The following MTUS2 variants were observed in gnomAD, a reference collection of about 807,000 sequenced individuals.
MTUS2 encodes the protein microtubule-associated tumor suppressor candidate 2.
MTUS2 carries 40 observed loss-of-function variants against 114.1 expected under a neutral mutation model. That is an observed-to-expected ratio of 0.35 (90% CI 0.27 to 0.46). The LOEUF is 0.46. Ranked by LOEUF, MTUS2 falls within the 20% of genes least tolerant of loss-of-function variation. The probability of loss-of-function intolerance (pLI) is 1.00; values close to 1 mark genes in which losing one functional copy is unlikely to be tolerated. For synonymous variants in MTUS2, 688 were observed against 672.0 expected, an observed-to-expected ratio of 1.02 and a Z score of -0.37; for missense variants, 1,679 against 1,705.4, an observed-to-expected ratio of 0.98 and a Z score of 0.27.
chr13:29,463,511 A>C (rs1879661894), intron 9 of MTUS2, among the ~76,000 whole-genome samples: 1 of 152,168 alleles, frequency 6.6e-6, no homozygotes, highest in African/African-American at 2.4e-5. Context: ...CAGTTTTCCC[A>C]GTGAAGTAGG....
Position 29,071,409 on chromosome 13 carries a change from A to ATT in MTUS2, c.2447-29331_2447-29330dup, listed in dbSNP as rs751020009. ...TTTAAAAGATCTCTATGTTGCTTGA[A>ATT]TTTTTTTTTTTTTTTTTTTTTTTTT... On this transcript the variant is annotated intron_variant, in intron 4 of 15. Transcript: ENST00000612955. Among the ~76,000 whole-genome samples, 107 of 46,142 alleles carry ATT rather than the reference A, an allele frequency of 2.3e-3. 24 individuals are homozygous for ATT. Among genetic ancestry groups the ATT allele is most frequent in the African/African-American group, 0.01 (92 of 9,168 alleles). 30.3% of individuals were successfully genotyped at this position (46,142 alleles called of 152,430 possible).
At position 29,206,132 on chromosome 13, in the gene MTUS2, G is replaced by A. The variant is rs188461257; in HGVS notation, c.2645-75572G>A. ...CTGGAGTAAGGTGGTATTGCATTAT[G>A]GTTTTTATTTGCATCTTCCTGATGA... On this transcript the variant is annotated intron_variant, in intron 5 of 15. Transcript: ENST00000612955. 3.4e-3 allele frequency among the ~76,000 whole-genome samples: 516 copies of A among 152,170 alleles called. 4 individuals are homozygous for A. The highest frequency in any genetic ancestry group is 0.012 in the African/African-American group (490 of 41,526).
At chr13:28,935,293 G>A (rs1280904256) in intron 2 of MTUS2, among the ~76,000 whole-genome samples, 7 of 152,032 alleles carry the variant, frequency 4.6e-5, no homozygotes, top group Admixed American at 4.6e-4. Flanking sequence ...TTCTAAACAG[G>A]AGTAAAATTG....
intron 2 of MTUS2, among the ~76,000 whole-genome samples, chr13:28,907,019 A>C (rs983813278): frequency 1.3e-5 from 2 of 151,638 alleles, no homozygotes; most frequent in Admixed American, 6.6e-5. Context: ...CGGGTTACCC[A>C]CAAAGGGAAG....
chr13:28,884,024 G>A (rs1878445059), intron 2 of MTUS2, among the ~76,000 whole-genome samples: 1 of 152,128 alleles, frequency 6.6e-6, no homozygotes, highest in Non-Finnish European at 1.5e-5. Context: ...TGATTTAGCA[G>A]TTTCACTTCT....
At chr13:29,096,631 T>C (rs9506103) in intron 4 of MTUS2, among the ~76,000 whole-genome samples, 102,203 of 152,074 alleles carry the variant, frequency 0.67, 35,056 homozygotes, top group Non-Finnish European at 0.74. Context: ...CAAACTTCCC[T>C]CACAGTTTGT....
intron 2 of MTUS2, among the ~76,000 whole-genome samples, chr13:28,970,275 A>G (rs1272115600): frequency 6.6e-6 from 1 of 152,208 alleles, no homozygotes; most frequent in Admixed American, 6.5e-5. Context: ...ATATGTACAA[A>G]TGTAGAATAA....
intron 2 of MTUS2, among the ~76,000 whole-genome samples, chr13:28,873,075 A>G (rs1169089564): frequency 6.6e-6 from 1 of 152,228 alleles, no homozygotes; most frequent in Admixed American, 6.5e-5. Flanking sequence ...CTAAAATTCT[A>G]TAGCCAATGA....
intron 4 of MTUS2, among the ~76,000 whole-genome samples, chr13:29,037,020 A>G (rs1028977118): frequency 1.3e-5 from 2 of 152,108 alleles, no homozygotes; most frequent in Non-Finnish European, 2.9e-5. Flanking sequence ...TATAAGGTTA[A>G]TATTGTTATG....
intron 5 of MTUS2, among the ~76,000 whole-genome samples, chr13:29,162,695 A>G (rs1404573140): frequency 2.6e-5 from 4 of 152,210 alleles, no homozygotes; most frequent in African/African-American, 9.7e-5. Context: ...GTTTGATCGT[A>G]TTTCTAGAGA....
intron 2 of MTUS2, among the ~76,000 whole-genome samples, chr13:28,900,415 T>G (rs928964904): frequency 1.3e-5 from 2 of 152,186 alleles, no homozygotes; most frequent in African/African-American, 4.8e-5. Flanking sequence ...TGTTGCCCTT[T>G]TATAACCACA....
chr13:29,219,680 A>G (rs1004945968), intron 5 of MTUS2, among the ~76,000 whole-genome samples: 2 of 152,250 alleles, frequency 1.3e-5, no homozygotes, highest in African/African-American at 2.4e-5. Flanking sequence ...TGTTTAGTGT[A>G]GCCATCTTCA....
intron 9 of MTUS2, among the ~76,000 whole-genome samples, chr13:29,451,021 T>G (rs1445444616): frequency 6.6e-6 from 1 of 151,920 alleles, no homozygotes; most frequent in Non-Finnish European, 1.5e-5. Flanking sequence ...CCACTCTGAG[T>G]AACAATAGAA....
intron 4 of MTUS2, among the ~76,000 whole-genome samples, chr13:29,039,730 A>C (rs1299172727): frequency 6.6e-6 from 1 of 152,254 alleles, no homozygotes; most frequent in Non-Finnish European, 1.5e-5. Context: ...TCTTTCAAGG[A>C]AAAACAAATC....
At chr13:29,092,149 A>G (rs138750709) in intron 4 of MTUS2, among the ~76,000 whole-genome samples, 3 of 152,348 alleles carry the variant, frequency 2.0e-5, no homozygotes, top group Non-Finnish European at 2.9e-5. Context: ...GCCAAAGCCA[A>G]TTTAAAGCCT....
intron 8 of MTUS2, among the ~76,000 whole-genome samples, chr13:29,362,920 C>T (rs1870389752): frequency 1.3e-5 from 2 of 152,198 alleles, no homozygotes; most frequent in South Asian, 4.1e-4. Context: ...AACACAGCCT[C>T]AGCCCAGCGT....
intron 5 of MTUS2, among the ~76,000 whole-genome samples, chr13:29,101,380 C>T (rs1890413580): frequency 6.6e-6 from 1 of 152,012 alleles, no homozygotes; most frequent in Admixed American, 6.6e-5. Context: ...TGCCTTCACA[C>T]TGCCAGAGCA....
chr13:28,824,764 C>T (rs909336230), intron 1 of MTUS2, among the ~76,000 whole-genome samples: 1 of 151,138 alleles, frequency 6.6e-6, no homozygotes, highest in Non-Finnish European at 1.5e-5. Flanking sequence ...GCAAATAAAA[C>T]AGACAAAAAC....
chr13:28,957,348 A>G (rs757458745), intron 2 of MTUS2, among the ~76,000 whole-genome samples: 23 of 152,330 alleles, frequency 1.5e-4, no homozygotes, highest in Non-Finnish European at 1.3e-4. Context: ...AAAGTTTATC[A>G]TAAGTCAGTA....
Sources: gnomAD v4.1 joint callset for allele counts (sites outside exome capture counted in the v4.1 genomes callset) on GRCh38, gnomAD v4.1.1 for gene constraint, MANE v1.5 for transcripts, NCBI Gene and HGNC (gene_info 2026-07-23, HGNC 2026-07-21) for gene names.